MARCOL: variants seen among roughly 807,000 people sequenced by gnomAD.
MARCOL encodes MARCO-like protein.
rs1236369759 is a variant in MARCOL, at chr5:148,243,102, C to T, written c.706C>T (p.Gln236Ter). ...GQQEKPGSSS[Q>*]QGKPGLSSHQ... ...ACAGGAGAAGCCAGGATCTTCTAGC[C>T]AACAGGGGAAGCCAGGGTTGTCTAG... The change falls in exon 2 of 2, where the codon CAA becomes TAA. Residue 236 changes from glutamine (Q) to a stop codon, truncating the protein, a stop_gained. Coordinates refer to ENST00000638089, the MANE Select transcript of MARCOL (RefSeq NM_001363511.2). LOFTEE classifies it low-confidence loss of function (END_TRUNC). 2.5e-6 allele frequency: 1 copy of T among 399,852 alleles called. No individual in the cohort carries two copies. Among genetic ancestry groups the T allele is most frequent in the Non-Finnish European group, 4.4e-6 (1 of 227,144 alleles). The allele number at this position is 399,852 out of a possible 1,614,324, so 24.8% of individuals were successfully genotyped here.
intron 1 of MARCOL, among the ~76,000 whole-genome samples, chr5:148,239,361 C>A (rs1023692407): frequency 6.6e-6 from 1 of 151,570 alleles, no homozygotes; most frequent in Admixed American, 6.6e-5. Context: ...CTAATTTATC[C>A]CCAAATCATA....
chr5:148,242,336 T>C (rs1755975034), intron 1 of MARCOL, 110 bp from the exon 2 acceptor site: 2 of 393,156 alleles, frequency 5.1e-6, no homozygotes, highest in African/African-American at 2.1e-5. Context: ...GGTTAAAAAA[T>C]CAAGAAAGCA....
At position 148,243,437 on chromosome 5, in the gene MARCOL, T is replaced by C. The variant is rs1001040384; in HGVS notation, c.*183T>C. On this transcript the variant is annotated 3_prime_UTR_variant, in exon 2 of 2. Transcript: ENST00000638089. The stretch of plus-strand genomic sequence containing the variant: ...CAGGGGCATCTAACCAGCAAGGAGA[T>C]CTAGGATCTTCTAAGCAGCAGGGGA... 7.9e-6 allele frequency: 3 copies of C among 379,298 alleles called. No homozygotes were observed. The highest frequency in any genetic ancestry group is 4.2e-5 in the African/African-American group (2 of 47,520). 23.5% of individuals were successfully genotyped at this position (379,298 alleles called of 1,614,324 possible). A position where few individuals can be genotyped will look rare whatever the true frequency, so the allele number is the denominator to read the frequency against.
In MARCOL at chr5:148,242,771, T is replaced by A; in HGVS notation, c.375T>A (p.Ser125=). The change falls in exon 2 of 2, where the codon TCT becomes TCA. Residue 125 remains serine, a synonymous_variant. Coordinates refer to ENST00000638089, the MANE Select transcript of MARCOL (RefSeq NM_001363511.2). ...ESSNKQENSG[S]SSQLGRPGIS... ...CTAATAAGCAGGAAAACTCAGGATC[T>A]TCTAGCCAACTAGGGAGACCAGGGA... is the stretch of plus-strand genomic sequence containing the variant. 1 of 398,490 alleles carries A rather than the reference T, an allele frequency of 2.5e-6. No individual in the cohort carries two copies. The allele number at this position is 398,490 out of a possible 1,614,324, so 24.7% of individuals were successfully genotyped here.
chr5:148,239,345 C>T (rs1354018434), intron 1 of MARCOL, among the ~76,000 whole-genome samples: 1 of 151,846 alleles, frequency 6.6e-6, no homozygotes, highest in African/African-American at 2.4e-5. Flanking sequence ...AATAATGAAA[C>T]TGATTCTAAT....
In MARCOL at chr5:148,243,441, G is replaced by A. The variant is rs186421695; in HGVS notation, c.*187G>A. The A allele has an allele frequency of 7.6e-6, 3 of 392,474 alleles. No homozygotes were observed. The highest frequency in any genetic ancestry group is 9.0e-6 in the Non-Finnish European group (2 of 222,706). The allele number at this position is 392,474 out of a possible 1,614,324, so 24.3% of individuals were successfully genotyped here. On this transcript the variant is annotated 3_prime_UTR_variant, in exon 2 of 2. Coordinates refer to ENST00000638089, the MANE Select transcript of MARCOL (RefSeq NM_001363511.2). ...GGCATCTAACCAGCAAGGAGATCTA[G>A]GATCTTCTAAGCAGCAGGGGAAGCC...
At chr5:148,240,776 C>T (rs1389871253) in intron 1 of MARCOL, among the ~76,000 whole-genome samples, 2 of 151,830 alleles carry the variant, frequency 1.3e-5, no homozygotes. Context: ...GTACTCATCT[C>T]TCAGCTAAAA....
rs1425626417 is a variant in MARCOL at position 148,238,550 on chromosome 5, T to A, written c.-48T>A. ...ATTTGAAGAGCACCTACTGCAGAGT[T>A]AGGCTTAACTCCACCCAACAGCCAA... On this transcript the variant is annotated 5_prime_UTR_variant, in exon 1 of 2. Transcript: ENST00000638089. 4 of 397,696 alleles carry A rather than the reference T, an allele frequency of 1.0e-5. No individual in the cohort carries two copies. Among genetic ancestry groups the A allele is most frequent in the Non-Finnish European group, 1.8e-5 (4 of 225,166 alleles). The allele number at this position is 397,696 out of a possible 1,614,324, so 24.6% of individuals were successfully genotyped here.
chr5:148,243,046 GC>G lies in MARCOL; in HGVS notation c.652del (p.Gln218AsnfsTer5). The G allele has an allele frequency of 2.5e-6, 1 of 397,366 alleles. No homozygotes were observed. The highest frequency in any genetic ancestry group is 3.6e-5 in the East Asian group (1 of 27,772). 24.6% of individuals were successfully genotyped at this position (397,366 alleles called of 1,614,324 possible). A position where few individuals can be genotyped will look rare whatever the true frequency, so the allele number is the denominator to read the frequency against. On this transcript the variant is annotated frameshift_variant, in exon 2 of 2. Transcript: ENST00000638089. LOFTEE classifies it low-confidence loss of function (END_TRUNC). ...SGQQGKPGSS[S>X]QQGNLGTSGQ... The stretch of plus-strand genomic sequence containing the variant: ...CAACAGGGGAAGCCAGGGTCATCTA[GC>G]CAACAAGGAAATCTAGGAACTTCTG...
At chr5:148,240,942 T>C (rs963887251) in intron 1 of MARCOL, among the ~76,000 whole-genome samples, 2 of 152,030 alleles carry the variant, frequency 1.3e-5, no homozygotes, top group Non-Finnish European at 2.9e-5. Context: ...ATCATTCTAC[T>C]ATAATATAAA....
intron 1 of MARCOL, among the ~76,000 whole-genome samples, chr5:148,241,393 A>AC (rs925122473): frequency 1.3e-5 from 2 of 151,618 alleles, no homozygotes; most frequent in Admixed American, 1.3e-4. Flanking sequence ...AAAAATACCA[A>AC]AAAAACCTAT....
intron 1 of MARCOL, among the ~76,000 whole-genome samples, chr5:148,239,162 C>T (rs1415061469): frequency 1.3e-5 from 2 of 151,836 alleles, no homozygotes; most frequent in African/African-American, 4.8e-5. Flanking sequence ...CAGATAATAG[C>T]TTTAGTTACC....
At chr5:148,239,363 C>T (rs77041432) in intron 1 of MARCOL, among the ~76,000 whole-genome samples, 182 of 151,954 alleles carry the variant, frequency 1.2e-3, no homozygotes, top group Middle Eastern at 3.4e-3. Flanking sequence ...AATTTATCCC[C>T]AAATCATAAG....
chr5:148,239,386 C>T (rs190314449), intron 1 of MARCOL, among the ~76,000 whole-genome samples: 1 of 151,934 alleles, frequency 6.6e-6, no homozygotes, highest in Admixed American at 6.6e-5. Flanking sequence ...CCCACTTGAC[C>T]ATCTTTCTTA....
At chr5:148,239,511 A>G (rs757545439) in intron 1 of MARCOL, among the ~76,000 whole-genome samples, 15 of 151,946 alleles carry the variant, frequency 9.9e-5, no homozygotes, top group Non-Finnish European at 2.2e-4. Context: ...GCTGTTTCAG[A>G]GTTTTGAGTA....
At position 148,238,641 on chromosome 5, in the gene MARCOL, T is replaced by G. The variant is rs1359486656; in HGVS notation, c.44T>G (p.Phe15Cys). The G allele has an allele frequency of 1.8e-5, 7 of 398,182 alleles. No individual in the cohort carries two copies. The highest frequency in any genetic ancestry group is 3.1e-5 in the Non-Finnish European group (7 of 225,480). The allele number at this position is 398,182 out of a possible 1,614,324, so 24.7% of individuals were successfully genotyped here. A position where few individuals can be genotyped will look rare whatever the true frequency, so the allele number is the denominator to read the frequency against. ...TTTCTCTTCATGCTCCTGGCCATGT[T>G]CTCAGGTAAGAAAGTCACAGTCAAT... The part of the protein sequence containing the change: ...IFFLFMLLAM[F>C]SASSTQISNT... The change falls in exon 1 of 2, where the codon TTC (phenylalanine) becomes TGC (cysteine). Residue 15 changes from phenylalanine to cysteine, a missense_variant. Phe to Cys is a radical substitution (Grantham distance 205). Transcript: ENST00000638089.
In MARCOL at chr5:148,242,514, C is replaced by G; in HGVS notation, c.118C>G (p.Leu40Val). The change falls in exon 2 of 2, where the codon CTG becomes GTG. Residue 40 changes from leucine (L) to valine (V), a missense_variant. Coordinates refer to ENST00000638089, the MANE Select transcript of MARCOL (RefSeq NM_001363511.2). ...LEENPKPALI[L>V]EEKNEANHLG... ...AGAGAATCCAAAACCTGCACTTATTCTGGAGGAAAAAAATGAAGCTAACCA... is the reference window on the plus strand; with the variant it reads ...AGAGAATCCAAAACCTGCACTTATTGTGGAGGAAAAAAATGAAGCTAACCA... 1 of 398,178 alleles carries G rather than the reference C, an allele frequency of 2.5e-6. No individual in the cohort carries two copies. The highest frequency in any genetic ancestry group is 4.4e-6 in the Non-Finnish European group (1 of 225,886). The allele number at this position is 398,178 out of a possible 1,614,324, so 24.7% of individuals were successfully genotyped here.
chr5:148,242,696 GAT>G lies in MARCOL; in HGVS notation c.301_302del (p.Ile101PhefsTer8), dbSNP rs879507497. On this transcript the variant is annotated frameshift_variant, in exon 2 of 2. Coordinates refer to ENST00000638089, the MANE Select transcript of MARCOL (RefSeq NM_001363511.2). LOFTEE classifies it low-confidence loss of function (END_TRUNC). ...GAGCAGGAGTTTTAAACCAGCCTGG[GAT>G]TTTAAAGAATTCAGGAAAATCTAAC... Reference protein sequence around the residue: ...GRAGVLNQPGILKNSGKSNQK... With the variant: ...GRAGVLNQPGXLKNSGKSNQK... 0.064 allele frequency: 25,616 copies of G among 398,130 alleles called. 3,851 individuals are homozygous for G. The highest frequency in any genetic ancestry group is 0.37 in the African/African-American group (17,759 of 48,462). 24.7% of individuals were successfully genotyped at this position (398,130 alleles called of 1,614,324 possible). A position where few individuals can be genotyped will look rare whatever the true frequency, so the allele number is the denominator to read the frequency against.
chr5:148,240,900 T>C (rs191888700), intron 1 of MARCOL, among the ~76,000 whole-genome samples: 8 of 152,072 alleles, frequency 5.3e-5, no homozygotes, highest in African/African-American at 7.2e-5. Flanking sequence ...TAGGAGACTA[T>C]TGTCTAGTTT....
Sources: gnomAD v4.1 joint callset for allele counts (sites outside exome capture counted in the v4.1 genomes callset) on GRCh38, gnomAD v4.1.1 for gene constraint, MANE v1.5 for transcripts, NCBI Gene and HGNC (gene_info 2026-07-23, HGNC 2026-07-21) for gene names.